The following PHC2 variants were observed in gnomAD, a reference collection of about 807,000 sequenced individuals.
The protein encoded by PHC2 is polyhomeotic homolog 2.
Under a neutral mutation model 87.4 loss-of-function variants are expected in PHC2, and 29 were observed. The observed-to-expected ratio is 0.33, with a 90% CI of 0.25 to 0.45. The LOEUF is 0.45. Ranked by LOEUF, PHC2 falls within the 20% of genes least tolerant of loss-of-function variation. PHC2 has a pLI of 1.00. For synonymous variants in PHC2, 438 were observed against 461.7 expected (o/e 0.95, Z 0.66); for missense variants, 857 against 1,136.7 (o/e 0.75, Z 3.54).
At chr1:33,376,254 C>T (rs959454374) in intron 1 of PHC2, among the ~76,000 whole-genome samples, 2 of 152,160 alleles carry the variant, frequency 1.3e-5, no homozygotes, top group African/African-American at 2.4e-5. Flanking sequence ...AGGCTGGTCT[C>T]GAACTCCTGC....
intron 1 of PHC2, among the ~76,000 whole-genome samples, chr1:33,404,712 T>C (rs1280865326): frequency 6.6e-6 from 1 of 152,244 alleles, no homozygotes; most frequent in African/African-American, 2.4e-5. Flanking sequence ...ATAAAGATCC[T>C]ACTCTGATGT....
At chr1:33,386,288 C>G (rs1213980931) in intron 1 of PHC2, among the ~76,000 whole-genome samples, 1 of 151,156 alleles carries the variant, frequency 6.6e-6, no homozygotes, top group Non-Finnish European at 1.5e-5. Flanking sequence ...GAGGCCAAGG[C>G]TGGTGGATCA....
chr1:33,336,424 G>A (rs1036985911), intron 9 of PHC2: 2 of 149,226 alleles, frequency 1.3e-5, no homozygotes, highest in African/African-American at 5.0e-5. Context: ...CTTCTGAGCT[G>A]AGCAGGGGCC....
In PHC2 at chr1:33,325,763, T is replaced by C. The variant is rs548127275; in HGVS notation, c.2426-744A>G. ...CTGAGTTCTGGAATAATTTACATCA[T>C]GGCAATAGGTAACTAATGCAGATTC... On this transcript the variant is annotated intron_variant, in intron 14 of 14. Transcript: ENST00000683057. 284 of 413,170 alleles carry C rather than the reference T, an allele frequency of 6.9e-4. 2 individuals are homozygous for C. The highest frequency in any genetic ancestry group is 5.5e-4 in the Admixed American group (20 of 36,104). 25.6% of individuals were successfully genotyped at this position (413,170 alleles called of 1,614,324 possible).
chr1:33,408,323 AATTT>A (rs1649845404), intron 1 of PHC2, among the ~76,000 whole-genome samples: 1 of 152,172 alleles, frequency 6.6e-6, no homozygotes, highest in South Asian at 2.1e-4. Flanking sequence ...GAATTGTATG[AATTT>A]ATTTGCACTA....
At chr1:33,357,675 C>G (rs552690421) in intron 7 of PHC2, among the ~76,000 whole-genome samples, 2 of 152,294 alleles carry the variant, frequency 1.3e-5, no homozygotes, top group South Asian at 4.1e-4. Flanking sequence ...AGCTGTGTCT[C>G]CTTATCTCAC....
intron 1 of PHC2, among the ~76,000 whole-genome samples, chr1:33,408,383 T>C (rs1293408591): frequency 2.0e-5 from 3 of 152,238 alleles, no homozygotes; most frequent in African/African-American, 4.8e-5. Context: ...CATGGATGTA[T>C]GTTCTTTCTC....
At chr1:33,398,097 G>A (rs1649369265) in intron 1 of PHC2, among the ~76,000 whole-genome samples, 1 of 152,198 alleles carries the variant, frequency 6.6e-6, no homozygotes, top group Non-Finnish European at 1.5e-5. Context: ...GCTTATGATA[G>A]CACTGCTTTT....
At chr1:33,386,456 T>C (rs1570502566) in intron 1 of PHC2, among the ~76,000 whole-genome samples, 1 of 151,506 alleles carries the variant, frequency 6.6e-6, no homozygotes, top group African/African-American at 2.4e-5. Flanking sequence ...GAGGCAGAGG[T>C]TGCAGTGAGC....
intron 9 of PHC2, among the ~76,000 whole-genome samples, chr1:33,337,249 A>G (rs148970779): frequency 8.4e-4 from 128 of 152,286 alleles, no homozygotes; most frequent in African/African-American, 2.9e-3. Context: ...TGCCCACCCA[A>G]TGATTTTCTG....
intron 1 of PHC2, among the ~76,000 whole-genome samples, chr1:33,402,052 T>C (rs1649557931): frequency 6.6e-6 from 1 of 152,088 alleles, no homozygotes. Flanking sequence ...AAAATATTTC[T>C]ATCACACATA....
chr1:33,324,706 A>G lies in PHC2; in HGVS notation c.*159T>C, dbSNP rs1646333070. The G allele has an allele frequency of 4.9e-6, 3 of 617,326 alleles. No homozygotes were observed. Among genetic ancestry groups the G allele is most frequent in the East Asian group, 6.0e-5 (2 of 33,396 alleles). The allele number at this position is 617,326 out of a possible 1,614,324, so 38.2% of individuals were successfully genotyped here. On this transcript the variant is annotated 3_prime_UTR_variant, in exon 15 of 15. Transcript: ENST00000683057. ...CCCACAGAAATGAAAGGCCCCTGAGAGCCATGGAGGAGGTGCCCAGACCTC... is the reference window on the plus strand; with the variant it reads ...CCCACAGAAATGAAAGGCCCCTGAGGGCCATGGAGGAGGTGCCCAGACCTC...
chr1:33,365,909 A>G (rs1017728304), intron 7 of PHC2, among the ~76,000 whole-genome samples: 8 of 152,202 alleles, frequency 5.3e-5, no homozygotes, highest in Non-Finnish European at 1.0e-4. Context: ...CGCAAGGCTC[A>G]TGTGCCATGT....
Position 33,349,935 on chromosome 1 carries a change from CG to C in PHC2, c.1558+4465del. 8.1e-6 allele frequency: 3 copies of C among 371,524 alleles called. No homozygotes were observed. Among genetic ancestry groups the C allele is most frequent in the Non-Finnish European group, 1.1e-5 (3 of 284,608 alleles). 23.0% of individuals were successfully genotyped at this position (371,524 alleles called of 1,614,324 possible). ...GGACGGCTCCCGCGGCCGCCTCCGC[CG>C]GGGGCGGGGCGAGGGAGCGGGGCGG... On this transcript the variant is annotated intron_variant, in intron 9 of 14. Transcript: ENST00000683057. This position sits in a 1 kb window ranked among gnomAD's most constrained non-coding sequence, Gnocchi z 4.2.
rs533865011 is a variant in PHC2, at chr1:33,425,790, G to A, written c.-55+5186C>T. 6.8e-4 allele frequency among the ~76,000 whole-genome samples: 104 copies of A among 152,318 alleles called. No homozygotes were observed. In the South Asian group the frequency reaches 0.021, roughly 30 times the overall value. ...AAGACCCAGCCCAGCCATGTAAACTGTGTTTCATGATGTATACTGCAGTTT... is the reference window on the plus strand; with the variant it reads ...AAGACCCAGCCCAGCCATGTAAACTATGTTTCATGATGTATACTGCAGTTT... On this transcript the variant is annotated intron_variant, in intron 1 of 14. Transcript: ENST00000683057.
intron 1 of PHC2, among the ~76,000 whole-genome samples, chr1:33,413,249 G>A (rs1650056460): frequency 6.6e-6 from 1 of 152,232 alleles, no homozygotes; most frequent in Non-Finnish European, 1.5e-5. Flanking sequence ...TTACAGGTGT[G>A]AGCCACTGTG....
Position 33,329,132 on chromosome 1 carries a change from C to T in PHC2, c.2163G>A (p.Val721=), listed in dbSNP as rs1161195389. 2.5e-6 allele frequency: 4 copies of T among 1,613,214 alleles called. No individual in the cohort carries two copies. The highest frequency in any genetic ancestry group is 3.4e-6 in the Non-Finnish European group (4 of 1,179,372). ...GCAAAGCAGCAGTAACCGAAAGGGG[C>T]ACAGTGCCTGTTGGCTGGGAGCAGA... The part of the protein sequence containing the change: ...KDTKKQPTGT[V]PLSVTAALQL... The change falls in exon 14 of 15, where the codon GTG becomes GTA. Residue 721 remains valine (V), a synonymous_variant. Transcript: ENST00000683057.
intron 14 of PHC2, among the ~76,000 whole-genome samples, chr1:33,327,281 A>C (rs1646392054): frequency 6.6e-6 from 1 of 152,132 alleles, no homozygotes; most frequent in Non-Finnish European, 1.5e-5. Flanking sequence ...CTCTCTCTCT[A>C]GTTCTCAGAT....
In PHC2 at chr1:33,368,288, C is replaced by A. The variant is rs1040055203; in HGVS notation, c.663+248G>T. On this transcript the variant is annotated intron_variant, in intron 6 of 14. Coordinates refer to ENST00000683057, the MANE Select transcript of PHC2 (RefSeq NM_001385109.1). The surrounding 1 kb of genome is among the most constrained non-coding windows in gnomAD (Gnocchi z 6.6). ...GGTAGCACAGCCCACCCCTCCCTGG[C>A]AAATCATGCTGGCCTCAGCAGGCTG... 1.1e-4 allele frequency among the ~76,000 whole-genome samples: 17 copies of A among 152,198 alleles called. No homozygotes were observed. Among genetic ancestry groups the A allele is most frequent in the African/African-American group, 3.9e-4 (16 of 41,448 alleles).
Sources: gnomAD v4.1 joint callset for allele counts (sites outside exome capture counted in the v4.1 genomes callset) on GRCh38, gnomAD v4.1.1 for gene constraint, Gnocchi (gnomAD v3.1) non-coding constraint, MANE v1.5 for transcripts, NCBI Gene and HGNC (gene_info 2026-07-23, HGNC 2026-07-21) for gene names.